NEK7: variants seen among roughly 807,000 people sequenced by gnomAD.
NEK7 encodes NIMA related kinase 7, also known as serine/threonine-protein kinase Nek7.
Under a neutral mutation model 44.6 loss-of-function variants are expected in NEK7, and 18 were observed. The ratio of observed to expected loss-of-function variants is 0.40; its 90% CI spans 0.28 to 0.60. The LOEUF (loss-of-function observed/expected upper bound fraction) is 0.60. Ranked by LOEUF, NEK7 falls within the 20% of genes least tolerant of loss-of-function variation. The pLI, the probability that NEK7 is intolerant of heterozygous loss-of-function variation, is 0.38. For synonymous variants in NEK7, 130 were observed against 121.1 expected (o/e 1.07, Z -0.48); for missense variants, 256 against 366.5 (o/e 0.70, Z 2.46).
intron 6 of NEK7, among the ~76,000 whole-genome samples, 189 bp downstream of exon 6, chr1:198,278,258 G>A (rs1380261508): frequency 6.9e-6 from 1 of 145,254 alleles, no homozygotes; most frequent in Non-Finnish European, 1.5e-5. Flanking sequence ...AAATTAATCT[G>A]CTTGACTCTT....
At chr1:198,300,983 T>C (rs1332041139) in intron 9 of NEK7, among the ~76,000 whole-genome samples, 1 of 152,224 alleles carries the variant, frequency 6.6e-6, no homozygotes, top group African/African-American at 2.4e-5. Flanking sequence ...TTTCCTTCCA[T>C]TTCAGTATTT....
intron 3 of NEK7, among the ~76,000 whole-genome samples, chr1:198,259,879 T>C (rs1366024851): frequency 1.3e-5 from 2 of 152,170 alleles, no homozygotes; most frequent in African/African-American, 4.8e-5. Context: ...AAATCAGTTA[T>C]TGAGAGCCCT....
rs1665404422 is a variant in NEK7 at position 198,200,675 on chromosome 1, TGAGTAGCTGGGA to T, written c.-28-31877_-28-31866del. Among the ~76,000 whole-genome samples the T allele has an allele frequency of 6.6e-5, 10 of 152,048 alleles. No individual in the cohort carries two copies. In the South Asian group the frequency reaches 2.1e-3, roughly 32 times the overall value. On this transcript the variant is annotated intron_variant, in intron 1 of 9. Coordinates refer to ENST00000367385, the MANE Select transcript of NEK7 (RefSeq NM_133494.3). The stretch of plus-strand genomic sequence containing the variant: ...AAGTGATTCTCCTGCCTTAGCCTCC[TGAGTAGCTGGGA>T]CTACAGGCATGTGCTACCAAACCTG...
chr1:198,244,720 T>G (rs993670174), intron 2 of NEK7, among the ~76,000 whole-genome samples: 48 of 152,180 alleles, frequency 3.2e-4, no homozygotes, highest in African/African-American at 1.2e-3. Context: ...TCATGCCCTT[T>G]GTATTTTGGG....
chr1:198,295,440 A>G (rs1348927110), intron 8 of NEK7, among the ~76,000 whole-genome samples: 1 of 152,118 alleles, frequency 6.6e-6, no homozygotes, highest in Non-Finnish European at 1.5e-5. Flanking sequence ...AGCCTGAAAA[A>G]TTCAGCTGCT....
chr1:198,263,378 T>A (rs957109660), intron 4 of NEK7, among the ~76,000 whole-genome samples: 1 of 151,926 alleles, frequency 6.6e-6, no homozygotes, highest in Non-Finnish European at 1.5e-5. Flanking sequence ...CTTAAATATA[T>A]GTAAACTTTT....
chr1:198,182,159 A>G (rs1257524422), intron 1 of NEK7, among the ~76,000 whole-genome samples: 3 of 152,146 alleles, frequency 2.0e-5, no homozygotes, highest in African/African-American at 7.2e-5. Context: ...GTTGGCTGTA[A>G]TGAATATTTT....
At chr1:198,288,268 G>A (rs1171246713) in intron 7 of NEK7, among the ~76,000 whole-genome samples, 1 of 152,134 alleles carries the variant, frequency 6.6e-6, no homozygotes, top group Non-Finnish European at 1.5e-5. Context: ...TAATTGCTCT[G>A]GTAAGGAGCT....
intron 1 of NEK7, among the ~76,000 whole-genome samples, chr1:198,200,550 TTC>T (rs1352779932): frequency 1.1e-4 from 15 of 142,546 alleles, no homozygotes; most frequent in South Asian, 4.3e-4. Context: ...TTTTCTTTCT[TTC>T]TTTTTTTTTT....
intron 3 of NEK7, 148 bp downstream of exon 3, chr1:198,253,328 CAA>C: frequency 1.8e-6 from 1 of 549,182 alleles, no homozygotes. Flanking sequence ...AAGCCAGAAA[CAA>C]GTGTAGTATG....
At chr1:198,219,549 C>T (rs973913082) in intron 1 of NEK7, among the ~76,000 whole-genome samples, 1 of 146,512 alleles carries the variant, frequency 6.8e-6, no homozygotes, top group African/African-American at 2.5e-5. Context: ...ATTGGAGACT[C>T]AGAATGGGGA....
chr1:198,183,264 C>T (rs762654433), intron 1 of NEK7, among the ~76,000 whole-genome samples: 2 of 139,226 alleles, frequency 1.4e-5, no homozygotes, highest in African/African-American at 5.5e-5. Context: ...GAAGATGTTT[C>T]GGAATACTAC....
chr1:198,246,528 C>T (rs1287838598), intron 2 of NEK7, among the ~76,000 whole-genome samples: 1 of 152,234 alleles, frequency 6.6e-6, no homozygotes, highest in Non-Finnish European at 1.5e-5. Flanking sequence ...AAAAACACCG[C>T]CCTCTGGCCC....
At chr1:198,296,196 C>T (rs1005384670) in intron 8 of NEK7, among the ~76,000 whole-genome samples, 1 of 152,152 alleles carries the variant, frequency 6.6e-6, no homozygotes, top group Non-Finnish European at 1.5e-5. Context: ...GGAATGTACA[C>T]ATTGTCCTTC....
intron 5 of NEK7, among the ~76,000 whole-genome samples, chr1:198,269,096 A>G (rs1175554994): frequency 1.3e-5 from 2 of 152,070 alleles, no homozygotes; most frequent in Non-Finnish European, 2.9e-5. Flanking sequence ...TGGTGTTTGT[A>G]TTTCCCATTA....
chr1:198,210,640 G>A (rs1665734326), intron 1 of NEK7, among the ~76,000 whole-genome samples: 1 of 146,874 alleles, frequency 6.8e-6, no homozygotes, highest in Non-Finnish European at 1.5e-5. Context: ...TTCTAGAAAG[G>A]TTATATACCT....
intron 4 of NEK7, among the ~76,000 whole-genome samples, chr1:198,263,049 T>G (rs993031985): frequency 2.0e-5 from 3 of 151,930 alleles, no homozygotes; most frequent in African/African-American, 7.2e-5. Context: ...GTTTCAATAC[T>G]TTTTCCAGAC....
chr1:198,275,496 A>T (rs1446803593), intron 5 of NEK7, among the ~76,000 whole-genome samples: 2 of 150,644 alleles, frequency 1.3e-5, no homozygotes, highest in African/African-American at 2.4e-5. Context: ...CGTTGGCATT[A>T]GATTTTTTTT....
At chr1:198,231,026 G>GT (rs1269973189) in intron 1 of NEK7, among the ~76,000 whole-genome samples, 2 of 151,352 alleles carry the variant, frequency 1.3e-5, no homozygotes, top group South Asian at 4.2e-4. Flanking sequence ...TCCCAGCAGT[G>GT]TTTTTTTAGA....
Sources: allele counts gnomAD v4.1 joint callset (sites outside exome capture counted in the v4.1 genomes callset), GRCh38; gene constraint gnomAD v4.1.1; transcripts MANE v1.5; gene names NCBI Gene and HGNC (gene_info 2026-07-23, HGNC 2026-07-21).